The following DCAF6 variants were observed in gnomAD, a reference collection of about 807,000 sequenced individuals.
DCAF6 encodes DDB1- and CUL4-associated factor 6.
DCAF6 carries 54 observed loss-of-function variants against 125.1 expected under a neutral mutation model. The ratio of observed to expected loss-of-function variants is 0.43; its 90% CI spans 0.35 to 0.54. The LOEUF (loss-of-function observed/expected upper bound fraction) is 0.54. Among genes scored for constraint, DCAF6 ranks in the 20% least tolerant of loss-of-function variants. DCAF6 has a pLI of 0.01. For missense variants in DCAF6, 934 were observed against 1,161.7 expected, an observed-to-expected ratio of 0.80 and a Z score of 2.85; for synonymous variants, 371 against 390.4, an observed-to-expected ratio of 0.95 and a Z score of 0.58.
At chr1:167,963,760 G>GT (rs58001729) in intron 2 of DCAF6, among the ~76,000 whole-genome samples, 35 of 149,144 alleles carry the variant, frequency 2.3e-4, no homozygotes, top group South Asian at 4.2e-4. Context: ...ATTTCATATA[G>GT]TTTTTTTTTT....
chr1:167,878,392 A>C, the DCAF6 span: 60 of 1,582,610 alleles, frequency 3.8e-5, 1 homozygote, highest in East Asian at 2.2e-5. Context: ...TTGCTATCAT[A>C]ATTCTCCCGC....
intron 8 of DCAF6, among the ~76,000 whole-genome samples, chr1:168,003,283 T>C (rs975099048): frequency 6.6e-6 from 1 of 152,280 alleles, no homozygotes. Context: ...CATTACACTT[T>C]TAATTTGAAA....
chr1:167,939,990 A>G (rs1671985141), intron 1 of DCAF6, among the ~76,000 whole-genome samples: 1 of 152,232 alleles, frequency 6.6e-6, no homozygotes, highest in Admixed American at 6.5e-5. Flanking sequence ...TTACTGCTAA[A>G]TAGTAAAATT....
chr1:167,920,706 A>G, the DCAF6 span: 1 of 1,432,072 alleles, frequency 7.0e-7, no homozygotes, highest in South Asian at 1.4e-5. Context: ...ATCAAGCACA[A>G]GACATTTTTG....
chr1:167,976,869 A>G (rs1268838317), intron 4 of DCAF6, among the ~76,000 whole-genome samples: 3 of 135,948 alleles, frequency 2.2e-5, no homozygotes, highest in Non-Finnish European at 4.7e-5. Context: ...TTTGTACTGA[A>G]GGTACATCCT....
chr1:167,952,124 A>G (rs1328411853), intron 2 of DCAF6, among the ~76,000 whole-genome samples: 1 of 152,212 alleles, frequency 6.6e-6, no homozygotes, highest in Non-Finnish European at 1.5e-5. Flanking sequence ...TCATGTCTCC[A>G]AATGTGGTGT....
the DCAF6 span, chr1:167,902,125 T>C: frequency 4.2e-6 from 6 of 1,414,944 alleles, no homozygotes; most frequent in African/African-American, 8.5e-5. Context: ...CATTCTTTCT[T>C]AGTGGAATAG....
At chr1:168,039,426 T>C (rs1558013803) in intron 13 of DCAF6, among the ~76,000 whole-genome samples, 1 of 151,276 alleles carries the variant, frequency 6.6e-6, no homozygotes, top group African/African-American at 2.4e-5. Context: ...TATTTATTGC[T>C]CATTAATCTA....
At chr1:168,063,241 GTTTTC>G (rs1208763225) in intron 17 of DCAF6, among the ~76,000 whole-genome samples, 1 of 151,996 alleles carries the variant, frequency 6.6e-6, no homozygotes, top group Non-Finnish European at 1.5e-5. Context: ...CTCTTTATGT[GTTTTC>G]TTAATATGGA....
the DCAF6 span, chr1:167,917,674 G>A: frequency 6.6e-6 from 1 of 150,472 alleles, no homozygotes; most frequent in African/African-American, 2.4e-5. Flanking sequence ...TCTGAATATA[G>A]AGTATTTTCT....
intron 4 of DCAF6, among the ~76,000 whole-genome samples, chr1:167,981,034 G>C (rs1457443979): frequency 6.6e-6 from 1 of 150,866 alleles, no homozygotes; most frequent in African/African-American, 2.4e-5. Flanking sequence ...AGCCTCCTGA[G>C]TAGCTGGGAT....
intron 2 of DCAF6, among the ~76,000 whole-genome samples, chr1:167,960,870 C>G (rs1371012683): frequency 6.6e-6 from 1 of 152,072 alleles, no homozygotes; most frequent in Non-Finnish European, 1.5e-5. Flanking sequence ...TTTGTCAATA[C>G]CCACAAAATA....
At chr1:168,041,691 G>A (rs1193983028) in intron 13 of DCAF6, among the ~76,000 whole-genome samples, 1 of 151,758 alleles carries the variant, frequency 6.6e-6, no homozygotes, top group African/African-American at 2.4e-5. Flanking sequence ...CTCGGTTGCT[G>A]TGTCTTTTCC....
rs187734878 is a variant in DCAF6, at chr1:167,946,477, C to A, written c.98-5323C>A. On this transcript the variant is annotated intron_variant, in intron 1 of 21. Coordinates refer to ENST00000367840, the MANE Select transcript of DCAF6 (RefSeq NM_001198956.2). ...TCTTAAAGGAATGCTTTCATCTTTT[C>A]CCTATTCAGTATGATGTTAGTTACA... is the stretch of plus-strand genomic sequence containing the variant. 2.0e-3 allele frequency among the ~76,000 whole-genome samples: 304 copies of A among 152,218 alleles called. 2 individuals carry two copies. Among genetic ancestry groups the A allele is most frequent in the African/African-American group, 7.2e-3 (298 of 41,542 alleles).
intron 1 of DCAF6, among the ~76,000 whole-genome samples, chr1:167,947,625 C>G (rs1001950194): frequency 6.6e-6 from 1 of 152,014 alleles, no homozygotes; most frequent in Non-Finnish European, 1.5e-5. Context: ...TTCATTGACC[C>G]TATTGTCATT....
the DCAF6 span, among the ~76,000 whole-genome samples, chr1:167,869,242 C>T: frequency 2.6e-5 from 4 of 152,242 alleles, no homozygotes; most frequent in African/African-American, 9.6e-5. Context: ...CTTACTGCTC[C>T]CTTGCTTGCT....
chr1:167,911,543 G>C, the DCAF6 span, among the ~76,000 whole-genome samples: 3 of 152,134 alleles, frequency 2.0e-5, no homozygotes, highest in Non-Finnish European at 4.4e-5. Context: ...TCTTTTAAAA[G>C]TTCTAAGTTG....
chr1:168,057,824 T>C (rs1428311072), intron 17 of DCAF6, among the ~76,000 whole-genome samples: 1 of 152,184 alleles, frequency 6.6e-6, no homozygotes, highest in Non-Finnish European at 1.5e-5. Flanking sequence ...CACATTATCA[T>C]TGTTAGTTCA....
At chr1:167,878,396 C>T in the DCAF6 span, 1 of 1,586,866 alleles carries the variant, frequency 6.3e-7, no homozygotes, top group Non-Finnish European at 8.6e-7. Flanking sequence ...TATCATAATT[C>T]TCCCGCTTCT....
Sources: allele counts gnomAD v4.1 joint callset (sites outside exome capture counted in the v4.1 genomes callset), GRCh38; gene constraint gnomAD v4.1.1; transcripts MANE v1.5; gene names NCBI Gene and HGNC (gene_info 2026-07-23, HGNC 2026-07-21).